Variants in CD9 observed in about 807,000 individuals in gnomAD.
The protein encoded by CD9 is CD9 antigen.
CD9 carries 10 observed loss-of-function variants against 31.4 expected under a neutral mutation model. That is an observed-to-expected ratio of 0.32 (90% CI 0.20 to 0.54). The LOEUF (loss-of-function observed/expected upper bound fraction) is 0.54, where lower values mean the gene tolerates loss of function less well. Among genes scored for constraint, CD9 ranks in the 20% least tolerant of loss-of-function variants. The pLI, the probability that CD9 is intolerant of heterozygous loss-of-function variation, is 0.94. For synonymous variants in CD9, 113 were observed against 114.1 expected (o/e 0.99, Z 0.06); for missense variants, 259 against 300.1 (o/e 0.86, Z 1.01).
rs11568196 is a variant in CD9 at position 6,201,898 on chromosome 12, C to T, written c.66+1333C>T. On this transcript the variant is annotated intron_variant, in intron 1 of 7. Transcript: ENST00000009180. ...ACAAAAAAATAAAAAATTAGCTGGG[C>T]GTGTTGGCATGCACCTGTGATCGCA... Among the ~76,000 whole-genome samples, 1,351 of 152,162 alleles carry T rather than the reference C, an allele frequency of 8.9e-3. 32 individuals carry two copies. The highest frequency in any genetic ancestry group is 0.031 in the African/African-American group (1,285 of 41,500).
chr12:6,233,299 A>G (rs1003204783), intron 3 of CD9, 113 bp from the exon 4 acceptor site: 6 of 766,764 alleles, frequency 7.8e-6, no homozygotes, highest in Admixed American at 2.0e-5. Context: ...CATTTGTGTC[A>G]CCAGATGCCT....
chr12:6,211,873 C>T (rs953429272), intron 1 of CD9, among the ~76,000 whole-genome samples: 1 of 152,172 alleles, frequency 6.6e-6, no homozygotes, highest in African/African-American at 2.4e-5. Flanking sequence ...GGGCTGGGGC[C>T]TCCCTCCCAA....
At chr12:6,222,176 G>A (rs117868098) in intron 1 of CD9, among the ~76,000 whole-genome samples, 2,019 of 152,334 alleles carry the variant, frequency 0.013, 21 homozygotes, top group Non-Finnish European at 0.022. Flanking sequence ...GTGACCCCAA[G>A]CCATTGTGAC....
intron 1 of CD9, among the ~76,000 whole-genome samples, chr12:6,222,022 C>T (rs989415887): frequency 6.6e-6 from 1 of 152,026 alleles, no homozygotes; most frequent in Non-Finnish European, 1.5e-5. Context: ...GGGGTGAAAG[C>T]CGGATGGGGA....
intron 7 of CD9, chr12:6,236,512 A>G: frequency 1.8e-6 from 1 of 553,470 alleles, no homozygotes; most frequent in South Asian, 2.5e-5. Context: ...TAAAGAGTCG[A>G]CTCTCTTAGC....
intron 1 of CD9, among the ~76,000 whole-genome samples, chr12:6,211,136 C>T (rs1040486297): frequency 3.9e-5 from 6 of 152,074 alleles, no homozygotes; most frequent in Non-Finnish European, 5.9e-5. Flanking sequence ...GTGCCCGGCC[C>T]GAGCAACTTA....
At chr12:6,200,381 C>T, upstream of CD9, 1 of 638,918 alleles carries the variant, frequency 1.6e-6, no homozygotes, top group Non-Finnish European at 2.9e-6. Context: ...TTTAAAAGTG[C>T]AGCCGGAGAC....
Position 6,237,986 on chromosome 12 carries a change from GT to G in CD9, c.*161del. ...TAGATAAAAGCTGAAGTTACTTTAT[GT>G]TTGTCTTTTAATGCTTCATTCAATA... On this transcript the variant is annotated 3_prime_UTR_variant, in exon 8 of 8. Coordinates refer to ENST00000009180, the MANE Select transcript of CD9 (RefSeq NM_001769.4). 1 of 555,820 alleles carries G rather than the reference GT, an allele frequency of 1.8e-6. No individual in the cohort carries two copies. Among genetic ancestry groups the G allele is most frequent in the Non-Finnish European group, 3.2e-6 (1 of 308,152 alleles). The allele number at this position is 555,820 out of a possible 1,614,324, so 34.4% of individuals were successfully genotyped here.
At chr12:6,236,330 GCCCATGCTCTA>G (rs1946524072) in intron 7 of CD9, 55 bp downstream of exon 7, 4 of 1,496,072 alleles carry the variant, frequency 2.7e-6, no homozygotes, top group African/African-American at 1.4e-5. Flanking sequence ...CATTGATTCA[GCCCATGCTCTA>G]CCCAGACACC....
At chr12:6,228,953 A>G (rs1946405707) in intron 2 of CD9, among the ~76,000 whole-genome samples, 1 of 152,246 alleles carries the variant, frequency 6.6e-6, no homozygotes, top group South Asian at 2.1e-4. Context: ...CAGCTTACCA[A>G]GTAGAGAAAG....
At chr12:6,213,911 C>G (rs1183394386) in intron 1 of CD9, among the ~76,000 whole-genome samples, 1 of 152,194 alleles carries the variant, frequency 6.6e-6, no homozygotes, top group Non-Finnish European at 1.5e-5. Flanking sequence ...CAAGCTGCAG[C>G]AGGCAGGGAA....
rs927832117 is a variant in CD9, at chr12:6,233,459, C to T, written c.321C>T (p.Ala107=). Residue 107 remains alanine (A), a synonymous_variant, in exon 4 of 8, where the codon GCC becomes GCT. Transcript: ENST00000009180. Reference sequence around the variant, plus strand: ...TATTCGCCATTGAAATAGCTGCGGCCATCTGGGGATATTCCCACAAGGATG... The same window carrying T: ...TATTCGCCATTGAAATAGCTGCGGCTATCTGGGGATATTCCCACAAGGATG... The part of the protein sequence containing the change: ...LVIFAIEIAA[A]IWGYSHKDEV... 2 of 1,613,922 alleles carry T rather than the reference C, an allele frequency of 1.2e-6. No individual in the cohort carries two copies. The highest frequency in any genetic ancestry group is 2.7e-5 in the African/African-American group (2 of 74,914).
At chr12:6,202,440 C>T (rs572508276) in intron 1 of CD9, among the ~76,000 whole-genome samples, 2 of 152,352 alleles carry the variant, frequency 1.3e-5, no homozygotes, top group African/African-American at 2.4e-5. Context: ...GTTTTCCTCT[C>T]CCCTCCCAGG....
intron 1 of CD9, among the ~76,000 whole-genome samples, chr12:6,214,725 A>C (rs1448593569): frequency 1.3e-5 from 2 of 152,102 alleles, no homozygotes; most frequent in African/African-American, 4.8e-5. Flanking sequence ...CATGCATAAC[A>C]GCGAGCTGGC....
chr12:6,223,261 C>CT (rs11307227), intron 1 of CD9, among the ~76,000 whole-genome samples: 83 of 133,184 alleles, frequency 6.2e-4, no homozygotes, highest in East Asian at 1.7e-3. Flanking sequence ...CACCTTTGTA[C>CT]TTTTTTTTTT....
chr12:6,232,950 C>G lies in CD9; in HGVS notation c.273+221C>G, dbSNP rs1565428951. ...CGCTTCCCCTAGGCAACTAAAAGGA[C>G]TATGTTTCCCCCTTTTCTCGAGGAC... On this transcript the variant is annotated intron_variant, in intron 3 of 7. Coordinates refer to ENST00000009180, the MANE Select transcript of CD9 (RefSeq NM_001769.4). The surrounding 1 kb of genome is among the most constrained non-coding windows in gnomAD (Gnocchi z 4.8). 2 of 702,560 alleles carry G rather than the reference C, an allele frequency of 2.8e-6. No homozygotes were observed. The highest frequency in any genetic ancestry group is 4.0e-5 in the Admixed American group (2 of 50,018). 43.5% of individuals were successfully genotyped at this position (702,560 alleles called of 1,614,324 possible). A position where few individuals can be genotyped will look rare whatever the true frequency, so the allele number is the denominator to read the frequency against.
intron 1 of CD9, chr12:6,201,040 G>A (rs1378534228): frequency 6.5e-6 from 1 of 153,304 alleles, no homozygotes; most frequent in Non-Finnish European, 1.5e-5. Context: ...AAGGGAGGGT[G>A]CGGGCACGGC....
chr12:6,202,857 A>C (rs1946091901), intron 1 of CD9, among the ~76,000 whole-genome samples: 1 of 152,228 alleles, frequency 6.6e-6, no homozygotes, highest in Non-Finnish European at 1.5e-5. Context: ...TGATTTACCC[A>C]GGATCGCAGA....
At chr12:6,211,693 T>G (rs1213440610) in intron 1 of CD9, among the ~76,000 whole-genome samples, 1 of 152,226 alleles carries the variant, frequency 6.6e-6, no homozygotes, top group Non-Finnish European at 1.5e-5. Flanking sequence ...TTCTGGAATT[T>G]AAAGCAAAAC....
Sources: allele counts gnomAD v4.1 joint callset (sites outside exome capture counted in the v4.1 genomes callset), GRCh38; gene constraint gnomAD v4.1.1; non-coding constraint Gnocchi (gnomAD v3.1); transcripts MANE v1.5; gene names NCBI Gene and HGNC (gene_info 2026-07-23, HGNC 2026-07-21).